The following MORC3 variants were observed in gnomAD, a reference collection of about 807,000 sequenced individuals.
MORC3 encodes MORC family CW-type zinc finger protein 3.
Under a neutral mutation model 109.1 loss-of-function variants are expected in MORC3, and 31 were observed. The ratio of observed to expected loss-of-function variants is 0.28; its 90% CI spans 0.21 to 0.38. MORC3 has a LOEUF of 0.38. Among genes scored for constraint, MORC3 ranks in the 10% least tolerant of loss-of-function variants. MORC3 has a pLI of 1.00. For synonymous variants in MORC3, 395 were observed against 380.7 expected (o/e 1.04, Z -0.44); for missense variants, 867 against 1,135.8 (o/e 0.76, Z 3.40).
intron 9 of MORC3, among the ~76,000 whole-genome samples, chr21:36,352,971 T>TAA (rs777452359): frequency 6.5e-5 from 8 of 122,256 alleles, no homozygotes; most frequent in Non-Finnish European, 1.0e-4. Flanking sequence ...ACCTTTTCTC[T>TAA]AAAAAAAAAA....
Position 36,333,788 on chromosome 21 carries a change from TG to T in MORC3, c.112+71del, listed in dbSNP as rs775849782. On this transcript the variant is annotated intron_variant, in intron 2 of 16. Transcript: ENST00000400485. ...TAGTGTTTTTTTTTTTGTTTTGTTT[TG>T]TTTTTTTTTTTTAAACAGAGTCTCT... The T allele has an allele frequency of 1.4e-3, 1,833 of 1,307,152 alleles. 3 individuals carry two copies. The highest frequency in any genetic ancestry group is 2.1e-3 in the Admixed American group (96 of 45,338). The allele number at this position is 1,307,152 out of a possible 1,614,324, so 81.0% of individuals were successfully genotyped here. A position where few individuals can be genotyped will look rare whatever the true frequency, so the allele number is the denominator to read the frequency against.
intron 6 of MORC3, among the ~76,000 whole-genome samples, chr21:36,343,449 CTTTTT>C (rs147660327): frequency 3.2e-5 from 4 of 126,128 alleles, no homozygotes; most frequent in Admixed American, 8.1e-5. Context: ...TTTTTGCTTT[CTTTTT>C]TTTTTTTTTT....
intron 6 of MORC3, 147 bp from the exon 7 acceptor site, chr21:36,344,432 C>T: frequency 1.1e-6 from 1 of 948,638 alleles, no homozygotes; most frequent in South Asian, 2.1e-5. Context: ...ATAACCAAAT[C>T]AGAATAACAT....
intron 6 of MORC3, 126 bp downstream of exon 6, chr21:36,341,672 A>G (rs946837414): frequency 4.5e-6 from 6 of 1,341,294 alleles, no homozygotes; most frequent in Non-Finnish European, 5.1e-6. Context: ...TATCTCAGAC[A>G]TGATTTTCCC....
At chr21:36,329,447 A>G (rs1189959227) in intron 1 of MORC3, among the ~76,000 whole-genome samples, 1 of 152,162 alleles carries the variant, frequency 6.6e-6, no homozygotes. Flanking sequence ...GCATTATAGC[A>G]CATTATCAAA....
rs1467075875 is a variant in MORC3, at chr21:36,363,946, A to G, written c.1453-147A>G. The G allele has an allele frequency of 8.6e-6, 7 of 815,866 alleles. No individual in the cohort carries two copies. The East Asian group carries it at 1.7e-4, about 19-fold the overall frequency. 50.5% of individuals were successfully genotyped at this position (815,866 alleles called of 1,614,324 possible). ...ATTTAGTTCATTGGTTTACTTGTTG[A>G]TTCCTGGTATAGCACAAGGAATTTA... is the stretch of plus-strand genomic sequence containing the variant. On this transcript the variant is annotated intron_variant, in intron 13 of 16. Transcript: ENST00000400485.
intron 15 of MORC3, among the ~76,000 whole-genome samples, chr21:36,370,498 G>A (rs1054180096): frequency 6.6e-6 from 1 of 150,954 alleles, no homozygotes; most frequent in African/African-American, 2.4e-5. Flanking sequence ...CTGCTTTTAA[G>A]TATAGTTAAT....
intron 6 of MORC3, among the ~76,000 whole-genome samples, 186 bp from the exon 7 acceptor site, chr21:36,344,393 C>T (rs538754114): frequency 4.6e-5 from 7 of 152,056 alleles, no homozygotes; most frequent in East Asian, 1.9e-4. Context: ...TTACTGGCTG[C>T]GGTATATTGA....
intron 1 of MORC3, among the ~76,000 whole-genome samples, chr21:36,331,095 C>A (rs1307587409): frequency 6.6e-6 from 1 of 152,182 alleles, no homozygotes; most frequent in African/African-American, 2.4e-5. Flanking sequence ...GAGAAGTAGA[C>A]CTTTCTGACA....
intron 5 of MORC3, 81 bp from the exon 6 acceptor site, chr21:36,341,318 C>A: frequency 7.4e-7 from 1 of 1,346,658 alleles, no homozygotes; most frequent in Non-Finnish European, 1.0e-6. Context: ...ATTTGCTTAC[C>A]TTTTTAATGA....
At chr21:36,347,692 C>T (rs562111107) in intron 8 of MORC3, among the ~76,000 whole-genome samples, 1 of 152,282 alleles carries the variant, frequency 6.6e-6, no homozygotes, top group South Asian at 2.1e-4. Context: ...TCAGAAAAGG[C>T]TTCTTAGAGA....
chr21:36,356,598 A>AATTGG, intron 9 of MORC3, 22 bp from the exon 10 acceptor site: 1 of 1,525,412 alleles, frequency 6.6e-7, no homozygotes, highest in East Asian at 2.3e-5. Context: ...TTTTTTCTTG[A>AATTGG]TTTTATGATT....
At chr21:36,332,410 T>C (rs892158548) in intron 1 of MORC3, among the ~76,000 whole-genome samples, 1 of 152,106 alleles carries the variant, frequency 6.6e-6, no homozygotes, top group Non-Finnish European at 1.5e-5. Context: ...CGTTACAGCC[T>C]AGGTGACAGA....
Position 36,375,170 on chromosome 21 carries a change from C to T in MORC3, c.2694C>T (p.Asn898=), listed in dbSNP as rs888923384. Residue 898 remains asparagine (N), a synonymous_variant, in exon 17 of 17, where the codon AAC becomes AAT. Transcript: ENST00000400485. ...ESLKLRSLRV[N]VGQLLAMIVP... ...TCAAACTCCGATCTCTTCGAGTTAA[C>T]GTAGGACAACTGCTGGCTATGATTG... The T allele has an allele frequency of 5.0e-6, 8 of 1,613,446 alleles. No individual in the cohort carries two copies. Among genetic ancestry groups the T allele is most frequent in the African/African-American group, 1.3e-5 (1 of 74,898 alleles).
In MORC3 at chr21:36,328,755, G is replaced by A. The variant is rs796539382; in HGVS notation, c.40-4891G>A. On this transcript the variant is annotated intron_variant, in intron 1 of 16. Coordinates refer to ENST00000400485, the MANE Select transcript of MORC3 (RefSeq NM_015358.3). ...GCCTCCCAAAGTGCTGGGATTACAG[G>A]TGTGAGCCACTGGGCCCAGTCTGTA... is the stretch of plus-strand genomic sequence containing the variant. Among the ~76,000 whole-genome samples, 20 of 152,154 alleles carry A rather than the reference G, an allele frequency of 1.3e-4. 1 individual carries two copies. The highest frequency in any genetic ancestry group is 4.6e-4 in the African/African-American group (19 of 41,538).
At chr21:36,339,501 C>CAAAAAAAAAAA (rs55863855) in intron 5 of MORC3, 3 of 101,436 alleles carry the variant, frequency 3.0e-5, no homozygotes, top group East Asian at 3.1e-4. Context: ...CCCGTCTTCT[C>CAAAAAAAAAAA]AAAAAAAAAA....
chr21:36,332,383 C>A (rs143479229), intron 1 of MORC3, among the ~76,000 whole-genome samples: 2,248 of 152,216 alleles, frequency 0.015, 53 homozygotes, highest in African/African-American at 0.051. Context: ...TTGCAGTCAG[C>A]CGAAATTGTG....
intron 15 of MORC3, among the ~76,000 whole-genome samples, chr21:36,370,857 CAG>C (rs1201202880): frequency 2.0e-5 from 3 of 151,602 alleles, no homozygotes; most frequent in Non-Finnish European, 2.9e-5. Flanking sequence ...TTATTAGAGA[CAG>C]GGTTTCACCA....
intron 6 of MORC3, among the ~76,000 whole-genome samples, chr21:36,342,317 A>G (rs905584969): frequency 6.6e-6 from 1 of 152,168 alleles, no homozygotes; most frequent in Non-Finnish European, 1.5e-5. Context: ...ATTATAGACT[A>G]TAGTTAGATA....
Sources: allele counts gnomAD v4.1 joint callset (sites outside exome capture counted in the v4.1 genomes callset), GRCh38; gene constraint gnomAD v4.1.1; transcripts MANE v1.5; gene names NCBI Gene and HGNC (gene_info 2026-07-23, HGNC 2026-07-21).